NF1: variants seen among roughly 807,000 people sequenced by gnomAD.
The protein encoded by NF1 is neurofibromin 1.
A neutral mutation model predicts 325.7 loss-of-function variants in NF1; 122 were observed. The observed-to-expected ratio is 0.37, with a 90% CI of 0.32 to 0.44. The LOEUF (loss-of-function observed/expected upper bound fraction) is 0.44, where lower values mean the gene tolerates loss of function less well. Among genes scored for constraint, NF1 ranks in the 20% least tolerant of loss-of-function variants. The pLI is 1.00. For synonymous variants in NF1, 1,091 were observed against 1,186.0 expected (o/e 0.92, Z 1.65); for missense variants, 2,140 against 3,415.4 (o/e 0.63, Z 9.31).
intron 47 of NF1, among the ~76,000 whole-genome samples, chr17:31,341,558 CAT>C (rs1431269621): frequency 2.0e-5 from 3 of 150,368 alleles, no homozygotes; most frequent in Non-Finnish European, 4.4e-5. Flanking sequence ...TACATACACA[CAT>C]ATATATGTAA....
At chr17:31,229,755 ATCAG>A in intron 21 of NF1, 76 bp from the exon 22 acceptor site, 8 of 1,550,368 alleles carry the variant, frequency 5.2e-6, no homozygotes, top group Admixed American at 1.7e-5. Flanking sequence ...GTGTGTTTAG[ATCAG>A]TCAGTTTCAT....
intron 31 of NF1, among the ~76,000 whole-genome samples, chr17:31,256,323 G>C (rs988444987): frequency 2.0e-5 from 3 of 152,118 alleles, no homozygotes; most frequent in African/African-American, 7.2e-5. Context: ...ATTTTTAGTA[G>C]AGATGGGGTT....
intron 36 of NF1, among the ~76,000 whole-genome samples, chr17:31,282,054 T>C (rs368121098): frequency 1.3e-5 from 2 of 149,692 alleles, no homozygotes; most frequent in East Asian, 3.9e-4. Context: ...AGAGAGACCC[T>C]GTCTGGAAAA....
chr17:31,320,567 A>C, intron 36 of NF1: 1 of 683,506 alleles, frequency 1.5e-6, no homozygotes. Context: ...AGTTATGCAA[A>C]CAAAAGTAGC....
Position 31,376,211 on chromosome 17 carries a change from T to C in NF1, c.*2056T>C, listed in dbSNP as rs1159251891. ...TGGAATAGCAGGCAGTGTAAGCCTTTGATAACTTTAGTTCGATGTTTTTCT... is the reference window on the plus strand; with the variant it reads ...TGGAATAGCAGGCAGTGTAAGCCTTCGATAACTTTAGTTCGATGTTTTTCT... On this transcript the variant is annotated 3_prime_UTR_variant, in exon 58 of 58. Transcript: ENST00000358273. The C allele has an allele frequency of 4.3e-6, 1 of 233,012 alleles. No individual in the cohort carries two copies. The highest frequency in any genetic ancestry group is 8.5e-6 in the Non-Finnish European group (1 of 117,954). 14.4% of individuals were successfully genotyped at this position (233,012 alleles called of 1,614,324 possible). A position where few individuals can be genotyped will look rare whatever the true frequency, so the allele number is the denominator to read the frequency against.
chr17:31,310,414 G>A (rs990945062), intron 36 of NF1, among the ~76,000 whole-genome samples: 2 of 151,658 alleles, frequency 1.3e-5, no homozygotes, highest in African/African-American at 2.4e-5. Context: ...GATTGAAGTA[G>A]GCAAAATGAA....
chr17:31,264,551 T>C (rs898980123), intron 35 of NF1, among the ~76,000 whole-genome samples: 9 of 152,098 alleles, frequency 5.9e-5, no homozygotes, highest in African/African-American at 2.2e-4. Context: ...GTTCAAAATA[T>C]GTCTAGTAGG....
chr17:31,162,059 AACGAAAATATACAAT>A (rs2143663014), intron 3 of NF1, among the ~76,000 whole-genome samples: 1 of 144,338 alleles, frequency 6.9e-6, no homozygotes, highest in South Asian at 2.3e-4. Context: ...AAAAAAAAAG[AACGAAAATATACAAT>A]ACAGTAACTA....
At chr17:31,372,770 C>T (rs1423988610) in intron 57 of NF1, among the ~76,000 whole-genome samples, 2 of 152,120 alleles carry the variant, frequency 1.3e-5, no homozygotes, top group Non-Finnish European at 1.5e-5. Flanking sequence ...AATCCCAGAA[C>T]TTTGAGAGGC....
intron 1 of NF1, among the ~76,000 whole-genome samples, chr17:31,144,912 TGA>T (rs1475309708): frequency 6.6e-6 from 1 of 152,230 alleles, no homozygotes; most frequent in African/African-American, 2.4e-5. Flanking sequence ...GCATGTGGGA[TGA>T]GAGATACTTG....
In NF1 at chr17:31,227,241, G is replaced by C. The variant is rs978948341; in HGVS notation, c.2275G>C (p.Val759Leu). The change falls in exon 19 of 58, where the codon GTG becomes CTG. Residue 759 changes from valine to leucine, a missense_variant. Physicochemically the swap from Val to Leu is conservative, Grantham distance 32. Around this residue, in one of 10 missense-constraint regions of NF1, gnomAD observed 380 missense variants for 639.3 expected, o/e 0.59. Coordinates refer to ENST00000358273, the MANE Select transcript of NF1 (RefSeq NM_001042492.3). Reference protein sequence around the residue: ...STGRAALQKRVMALLRRIEHP... With the variant: ...STGRAALQKRLMALLRRIEHP... ...AGGAAGAGCAGCACTTCAGAAAAGA[G>C]TGATGGCACTGCTGAGGCGCATTGA... 6.2e-7 allele frequency: 1 copy of C among 1,613,730 alleles called. No homozygotes were observed. The highest frequency in any genetic ancestry group is 1.1e-5 in the South Asian group (1 of 91,078).
intron 1 of NF1, among the ~76,000 whole-genome samples, chr17:31,139,614 T>G (rs1405138975): frequency 6.6e-6 from 1 of 152,212 alleles, no homozygotes; most frequent in East Asian, 1.9e-4. Flanking sequence ...GAGAACTAAC[T>G]TTATTGTTGG....
At chr17:31,362,016 A>G (rs961694516) in intron 57 of NF1, among the ~76,000 whole-genome samples, 1 of 152,120 alleles carries the variant, frequency 6.6e-6, no homozygotes, top group Non-Finnish European at 1.5e-5. Context: ...CTAACTCTCT[A>G]GTACAGTGTT....
chr17:31,373,651 A>T (rs1380116263), intron 57 of NF1, among the ~76,000 whole-genome samples: 1 of 152,242 alleles, frequency 6.6e-6, no homozygotes, highest in Admixed American at 6.5e-5. Context: ...CATTGCAGTC[A>T]ACAACAGAAC....
chr17:31,201,156 T>C lies in NF1; in HGVS notation c.1182T>C (p.Phe394=), dbSNP rs786202581. 19 of 1,613,994 alleles carry C rather than the reference T, an allele frequency of 1.2e-5. No homozygotes were observed. Among genetic ancestry groups the C allele is most frequent in the African/African-American group, 6.7e-5 (5 of 74,930 alleles). ...TAAGCCCTCACAACAACCAACACTT[T>C]AAGGTGAGAGCATTGGTTTTTATCT... The part of the protein sequence containing the change: ...FRISPHNNQH[F]KICLAQNSPS... Residue 394 remains phenylalanine, a synonymous_variant, in exon 10 of 58, where the codon TTT becomes TTC. Coordinates refer to ENST00000358273, the MANE Select transcript of NF1 (RefSeq NM_001042492.3).
intron 29 of NF1, among the ~76,000 whole-genome samples, chr17:31,245,136 C>G (rs2067368924): frequency 6.6e-6 from 1 of 152,134 alleles, no homozygotes; most frequent in African/African-American, 2.4e-5. Flanking sequence ...AAAAATTTCA[C>G]AAAGTAGGCA....
At chr17:31,270,249 T>C (rs1443412916) in intron 36 of NF1, among the ~76,000 whole-genome samples, 1 of 152,244 alleles carries the variant, frequency 6.6e-6, no homozygotes, top group African/African-American at 2.4e-5. Context: ...ATTTCTGTTA[T>C]CTATCTCTAT....
intron 31 of NF1, chr17:31,254,293 GAAAA>G (rs1310094388): frequency 1.6e-5 from 2 of 124,178 alleles, no homozygotes; most frequent in Non-Finnish European, 3.4e-5. Context: ...AAAAAAAAAA[GAAAA>G]CGAAAAAGCT....
Position 31,260,380 on chromosome 17 carries a change from A to G in NF1, c.4442A>G (p.Asp1481Gly), listed in dbSNP as rs777229737. 1.2e-6 allele frequency: 2 copies of G among 1,613,872 alleles called. No individual in the cohort carries two copies. Among genetic ancestry groups the G allele is most frequent in the Non-Finnish European group, 8.5e-7 (1 of 1,179,922 alleles). Residue 1481 changes from aspartate to glycine, a missense_variant, in exon 34 of 58, where the codon GAT becomes GGT. This residue lies in a region of NF1 where 336 missense variants were observed against 399.0 expected (regional missense o/e 0.84). Transcript: ENST00000358273. ...TTGCATTTTTGAAGGTTTTTCCTTG[A>G]TATAGCATCTGATTGTCCTACAAGT... ...NFDAARRFFLDIASDCPTSDA... is the reference protein window; with the variant it reads ...NFDAARRFFLGIASDCPTSDA...
Sources: allele counts gnomAD v4.1 joint callset (sites outside exome capture counted in the v4.1 genomes callset), GRCh38; gene constraint gnomAD v4.1.1; regional missense constraint gnomAD v4.1.1; transcripts MANE v1.5; gene names NCBI Gene and HGNC (gene_info 2026-07-23, HGNC 2026-07-21).